The following NEDD4 variants were observed in gnomAD, a reference collection of about 807,000 sequenced individuals.
NEDD4 encodes E3 ubiquitin-protein ligase NEDD4.
Under a neutral mutation model 144.9 loss-of-function variants are expected in NEDD4, and 99 were observed. The observed-to-expected ratio is 0.68, with a 90% CI of 0.58 to 0.81. The LOEUF is 0.81. Ranked by LOEUF, NEDD4 falls within the 30% of genes least tolerant of loss-of-function variation. The probability of loss-of-function intolerance (pLI) is 0.00; values close to 1 mark genes in which losing one functional copy is unlikely to be tolerated. For synonymous variants in NEDD4, 318 were observed against 350.6 expected (o/e 0.91, Z 1.04); for missense variants, 985 against 1,065.9 (o/e 0.92, Z 1.06).
intron 5 of NEDD4, among the ~76,000 whole-genome samples, chr15:55,911,131 A>G (rs1438752732): frequency 2.0e-5 from 3 of 152,100 alleles, no homozygotes; most frequent in Non-Finnish European, 4.4e-5. Flanking sequence ...TGCCACCTAC[A>G]GCAGTGACTC....
intron 1 of NEDD4, among the ~76,000 whole-genome samples, chr15:55,988,978 A>G (rs571225203): frequency 1.3e-5 from 2 of 152,308 alleles, no homozygotes; most frequent in African/African-American, 4.8e-5. Context: ...CCTCACGCCT[A>G]TAATCCCAGC....
At chr15:55,986,708 G>A (rs2037900538) in intron 1 of NEDD4, among the ~76,000 whole-genome samples, 1 of 148,240 alleles carries the variant, frequency 6.7e-6, no homozygotes, top group Non-Finnish European at 1.5e-5. Context: ...TCCGGCCTCA[G>A]CCTCCCGAGT....
chr15:55,954,750 C>T lies in NEDD4; in HGVS notation c.120-3161G>A, dbSNP rs1478738090. ...TGTTGGTCAGGCTGGTCTTCAACTCCCAGTTTCAGGTGATCCACCTGCCTT... is the reference window on the plus strand; with the variant it reads ...TGTTGGTCAGGCTGGTCTTCAACTCTCAGTTTCAGGTGATCCACCTGCCTT... On this transcript the variant is annotated intron_variant, in intron 2 of 28. Transcript: ENST00000435532. 5.3e-5 allele frequency among the ~76,000 whole-genome samples: 8 copies of T among 152,144 alleles called. 1 individual carries two copies. Among genetic ancestry groups the T allele is most frequent in the African/African-American group, 1.9e-4 (8 of 41,416 alleles).
intron 1 of NEDD4, among the ~76,000 whole-genome samples, chr15:55,967,129 C>T (rs1156601107): frequency 6.6e-6 from 1 of 152,192 alleles, no homozygotes; most frequent in Non-Finnish European, 1.5e-5. Context: ...AGGTGATCTG[C>T]CTGCCTCAGC....
At chr15:55,981,288 C>T (rs1379129698) in intron 1 of NEDD4, among the ~76,000 whole-genome samples, 1 of 152,090 alleles carries the variant, frequency 6.6e-6, no homozygotes, top group Admixed American at 6.5e-5. Flanking sequence ...TGGTCTGGAA[C>T]TCCTGACCTC....
At chr15:55,938,967 CGTG>C (rs2036944021) in intron 4 of NEDD4, among the ~76,000 whole-genome samples, 1 of 151,920 alleles carries the variant, frequency 6.6e-6, no homozygotes, top group Non-Finnish European at 1.5e-5. Flanking sequence ...AATGGTGGTG[CGTG>C]ATGGTGTGCA....
intron 5 of NEDD4, among the ~76,000 whole-genome samples, chr15:55,909,751 G>A (rs1241415567): frequency 6.6e-6 from 1 of 152,126 alleles, no homozygotes; most frequent in Admixed American, 6.5e-5. Context: ...GCTAGCACAT[G>A]GTAGGCTCCA....
At chr15:55,905,983 A>C (rs1434023936) in intron 5 of NEDD4, among the ~76,000 whole-genome samples, 3 of 152,216 alleles carry the variant, frequency 2.0e-5, no homozygotes, top group Non-Finnish European at 4.4e-5. Context: ...ATATGAACAG[A>C]CACTTCTCAA....
intron 5 of NEDD4, among the ~76,000 whole-genome samples, chr15:55,892,076 G>A (rs1039774991): frequency 2.0e-5 from 3 of 151,934 alleles, no homozygotes; most frequent in African/African-American, 7.3e-5. Flanking sequence ...GACCAGCCTG[G>A]TCAAAACGGC....
chr15:55,870,182 C>T (rs1166431949), intron 7 of NEDD4, among the ~76,000 whole-genome samples: 1 of 152,178 alleles, frequency 6.6e-6, no homozygotes, highest in African/African-American at 2.4e-5. Context: ...AATCAGACAA[C>T]TTCAGACTTT....
At chr15:55,942,538 T>C (rs1366923487) in intron 4 of NEDD4, among the ~76,000 whole-genome samples, 1 of 152,166 alleles carries the variant, frequency 6.6e-6, no homozygotes, top group African/African-American at 2.4e-5. Flanking sequence ...CCTCCTTCTC[T>C]GGCCATGTTA....
At position 55,830,000 on chromosome 15, in the gene NEDD4, C is replaced by G; in HGVS notation, c.2601-1G>C. 1 of 1,608,674 alleles carries G rather than the reference C, an allele frequency of 6.2e-7. No homozygotes were observed. The highest frequency in any genetic ancestry group is 8.5e-7 in the Non-Finnish European group (1 of 1,176,626). On this transcript the variant is annotated splice_acceptor_variant, in intron 28 of 28. Coordinates refer to ENST00000435532, the MANE Select transcript of NEDD4 (RefSeq NM_006154.4). LOFTEE classifies it high-confidence loss of function. ...AGGTGGCAAGTCCAGGCGATTAAAA[C>G]TGAAAGAACAGAGAGGAAGTGGTTA...
intron 7 of NEDD4, among the ~76,000 whole-genome samples, chr15:55,871,867 G>A (rs1234607719): frequency 6.6e-6 from 1 of 152,082 alleles, no homozygotes; most frequent in African/African-American, 2.4e-5. Flanking sequence ...AGGTATAGAA[G>A]ATCAAAAGGA....
intron 5 of NEDD4, among the ~76,000 whole-genome samples, chr15:55,883,105 T>C (rs1289335310): frequency 1.3e-5 from 2 of 152,160 alleles, no homozygotes; most frequent in African/African-American, 4.8e-5. Context: ...ATGCCAAGGC[T>C]CAGTTCTTGG....
At chr15:55,927,131 GA>G (rs1320195514) in intron 4 of NEDD4, among the ~76,000 whole-genome samples, 1 of 149,978 alleles carries the variant, frequency 6.7e-6, no homozygotes, top group Non-Finnish European at 1.5e-5. Flanking sequence ...AGTGTAAGAT[GA>G]TTTTTTTTCA....
At chr15:55,926,961 A>G (rs2036679469) in intron 4 of NEDD4, among the ~76,000 whole-genome samples, 1 of 151,762 alleles carries the variant, frequency 6.6e-6, no homozygotes, top group Admixed American at 6.6e-5. Context: ...CTGTAACCCC[A>G]GCTAGTTGGG....
chr15:55,978,267 T>G (rs2037738104), intron 1 of NEDD4, among the ~76,000 whole-genome samples: 1 of 152,190 alleles, frequency 6.6e-6, no homozygotes, highest in Non-Finnish European at 1.5e-5. Context: ...TCCTTGCATT[T>G]CCCAACACAA....
chr15:55,837,748 A>G (rs1433859955), intron 24 of NEDD4, 41 bp downstream of exon 24: 3 of 1,466,110 alleles, frequency 2.0e-6, no homozygotes, highest in Non-Finnish European at 1.9e-6. Flanking sequence ...TATAGGTTAT[A>G]CTGTGACATT....
intron 1 of NEDD4, 76 bp downstream of exon 1, chr15:55,993,435 C>A: frequency 6.5e-7 from 1 of 1,549,994 alleles, no homozygotes; most frequent in Non-Finnish European, 8.7e-7. Flanking sequence ...GTCGTGGCCG[C>A]CGCCGCTACC....
Sources: gnomAD v4.1 joint callset for allele counts (sites outside exome capture counted in the v4.1 genomes callset) on GRCh38, gnomAD v4.1.1 for gene constraint, MANE v1.5 for transcripts, NCBI Gene and HGNC (gene_info 2026-07-23, HGNC 2026-07-21) for gene names.